The following PDE8B variants were observed in gnomAD, a reference collection of about 807,000 sequenced individuals.
The protein encoded by PDE8B is high affinity cAMP-specific and IBMX-insensitive 3',5'-cyclic phosphodiesterase 8B.
Under a neutral mutation model 101.3 loss-of-function variants are expected in PDE8B, and 26 were observed. The ratio of observed to expected loss-of-function variants is 0.26; its 90% CI spans 0.19 to 0.36. The LOEUF is 0.36. Ranked by LOEUF, PDE8B falls within the 10% of genes least tolerant of loss-of-function variation. The pLI is 1.00. For synonymous variants in PDE8B, 424 were observed against 429.3 expected (o/e 0.99, Z 0.15); for missense variants, 810 against 1,163.1 (o/e 0.70, Z 4.42).
At position 77,323,781 on chromosome 5, in the gene PDE8B, A is replaced by T. The variant is rs995069803; in HGVS notation, c.400-1758A>T. Among the ~76,000 whole-genome samples, 9 of 152,268 alleles carry T rather than the reference A, an allele frequency of 5.9e-5. No individual in the cohort carries two copies. The East Asian group carries it at 1.4e-3, about 23-fold the overall frequency. On this transcript the variant is annotated intron_variant, in intron 2 of 21. Transcript: ENST00000264917. Reference sequence around the variant, plus strand: ...AGACCAGCCTGGCCAACATGGCGAAACCCCATTTCTACTAAAAAAATACAA... The same window carrying T: ...AGACCAGCCTGGCCAACATGGCGAATCCCCATTTCTACTAAAAAAATACAA...
intron 1 of PDE8B, among the ~76,000 whole-genome samples, chr5:77,281,141 C>G (rs1316994180): frequency 6.6e-6 from 1 of 152,186 alleles, no homozygotes; most frequent in Non-Finnish European, 1.5e-5. Flanking sequence ...CACCACTGCC[C>G]TTGTGACTTG....
At chr5:77,345,461 G>A (rs987280844) in intron 7 of PDE8B, among the ~76,000 whole-genome samples, 1 of 152,204 alleles carries the variant, frequency 6.6e-6, no homozygotes, top group African/African-American at 2.4e-5. Flanking sequence ...CACCCAGCTA[G>A]AACCGGGGTA....
chr5:77,413,094 G>T lies in PDE8B; in HGVS notation c.1713-17G>T. 5.0e-6 allele frequency: 8 copies of T among 1,610,784 alleles called. No homozygotes were observed. Among genetic ancestry groups the T allele is most frequent in the Non-Finnish European group, 6.8e-6 (8 of 1,177,208 alleles). On this transcript the variant is annotated splice_polypyrimidine_tract_variant and intron_variant, in intron 16 of 21. Coordinates refer to ENST00000264917, the MANE Select transcript of PDE8B (RefSeq NM_003719.5). ...CAGTGAATACAATGAGCCAGGGTGGGTTTTCCTATTTTTCAGGCCATTGGT... is the reference window on the plus strand; with the variant it reads ...CAGTGAATACAATGAGCCAGGGTGGTTTTTCCTATTTTTCAGGCCATTGGT...
chr5:77,173,109 T>C, the PDE8B span, among the ~76,000 whole-genome samples: 1 of 152,170 alleles, frequency 6.6e-6, no homozygotes, highest in African/African-American at 2.4e-5. Context: ...CCAGAGTTTT[T>C]GGCAGAGAAA....
chr5:77,359,130 C>T (rs1433984493), intron 10 of PDE8B, among the ~76,000 whole-genome samples: 2 of 151,992 alleles, frequency 1.3e-5, no homozygotes, highest in African/African-American at 4.8e-5. Flanking sequence ...CAGGGGCTTG[C>T]AGCCGGGAGG....
At chr5:77,424,527 G>A (rs1358596624) in intron 20 of PDE8B, among the ~76,000 whole-genome samples, 5 of 152,174 alleles carry the variant, frequency 3.3e-5, no homozygotes, top group African/African-American at 1.2e-4. Context: ...AAAGCTGCAA[G>A]GCTAATACCC....
chr5:77,257,717 T>TA (rs1443312436), intron 1 of PDE8B, among the ~76,000 whole-genome samples: 1 of 152,186 alleles, frequency 6.6e-6, no homozygotes, highest in African/African-American at 2.4e-5. Context: ...GCAGGTTTGT[T>TA]ACATATGTAA....
the PDE8B span, chr5:77,141,442 C>A: frequency 1.3e-5 from 2 of 152,190 alleles, no homozygotes; most frequent in African/African-American, 4.8e-5. Flanking sequence ...TCTAACCCAC[C>A]TGCTTTGTGG....
At chr5:77,358,954 A>G (rs1782605781) in intron 10 of PDE8B, among the ~76,000 whole-genome samples, 1 of 152,248 alleles carries the variant, frequency 6.6e-6, no homozygotes, top group African/African-American at 2.4e-5. Context: ...ATTTAGCTTT[A>G]GTACGTATTT....
intron 1 of PDE8B, among the ~76,000 whole-genome samples, chr5:77,272,330 T>C (rs918121870): frequency 3.9e-5 from 6 of 152,228 alleles, no homozygotes; most frequent in African/African-American, 1.4e-4. Flanking sequence ...CAAGTAACCT[T>C]GGTTGACTCT....
At chr5:77,323,435 A>T (rs764247273) in intron 2 of PDE8B, among the ~76,000 whole-genome samples, 26 of 152,170 alleles carry the variant, frequency 1.7e-4, no homozygotes, top group Non-Finnish European at 3.4e-4. Flanking sequence ...ATATGAAATG[A>T]TATTGTGGTT....
intron 7 of PDE8B, among the ~76,000 whole-genome samples, chr5:77,349,021 C>T (rs1259479188): frequency 6.6e-6 from 1 of 152,126 alleles, no homozygotes; most frequent in Non-Finnish European, 1.5e-5. Flanking sequence ...AACATATGGA[C>T]CCAGTCCTAA....
chr5:77,119,028 C>T, the PDE8B span: 1 of 152,306 alleles, frequency 6.6e-6, no homozygotes, highest in South Asian at 2.1e-4. Flanking sequence ...AGAAAAGCCA[C>T]TGCAAGCATG....
intron 11 of PDE8B, among the ~76,000 whole-genome samples, chr5:77,403,485 CTA>C (rs1424806226): frequency 6.6e-6 from 1 of 152,086 alleles, no homozygotes; most frequent in Non-Finnish European, 1.5e-5. Context: ...ATTTAAATCT[CTA>C]TAAGTTTCAT....
At chr5:77,309,941 A>T (rs1452788720) in intron 1 of PDE8B, among the ~76,000 whole-genome samples, 1 of 83,118 alleles carries the variant, frequency 1.2e-5, no homozygotes, top group Non-Finnish European at 2.1e-5. Flanking sequence ...TTAATCATTA[A>T]TCTTTTTTTT....
At chr5:77,219,064 T>TG (rs918065002) in intron 1 of PDE8B, among the ~76,000 whole-genome samples, 5 of 152,152 alleles carry the variant, frequency 3.3e-5, no homozygotes, top group African/African-American at 1.2e-4. Flanking sequence ...AGGCCCAAGC[T>TG]GGGGTTTGGG....
Position 77,425,755 on chromosome 5 carries a change from T to C in PDE8B, c.2419-12T>C. The C allele has an allele frequency of 6.2e-7, 1 of 1,613,622 alleles. No individual in the cohort carries two copies. Among genetic ancestry groups the C allele is most frequent in the South Asian group, 1.1e-5 (1 of 91,064 alleles). ...ATGTCCTCCAGCCCTATGTGGTGGT[T>C]TTTTCTTACAGACTGATGAAGAGAA... On this transcript the variant is annotated splice_polypyrimidine_tract_variant and intron_variant, in intron 20 of 21. Transcript: ENST00000264917.
intron 17 of PDE8B, among the ~76,000 whole-genome samples, chr5:77,413,820 TC>T (rs1203869519): frequency 6.6e-6 from 1 of 152,162 alleles, no homozygotes; most frequent in Non-Finnish European, 1.5e-5. Flanking sequence ...CTGAAAGAGT[TC>T]CATATCCCTT....
rs551462715 is a variant in PDE8B, at chr5:77,343,565, T to C, written c.798-1288T>C. 3.3e-5 allele frequency among the ~76,000 whole-genome samples: 5 copies of C among 152,210 alleles called. No individual in the cohort carries two copies. The East Asian group carries it at 9.7e-4, about 29-fold the overall frequency. On this transcript the variant is annotated intron_variant, in intron 6 of 21. Transcript: ENST00000264917. ...TGAATGGAGCTTGCAGGACTGGGAG[T>C]TGCTCTGGGTGAGCTGGTGAGTGAA...
Sources: gnomAD v4.1 joint callset for allele counts (sites outside exome capture counted in the v4.1 genomes callset) on GRCh38, gnomAD v4.1.1 for gene constraint, MANE v1.5 for transcripts, NCBI Gene and HGNC (gene_info 2026-07-23, HGNC 2026-07-21) for gene names.